The following MARCHF1 variants were observed in gnomAD, a reference collection of about 807,000 sequenced individuals.
MARCHF1 encodes the protein E3 ubiquitin-protein ligase MARCHF1.
A neutral mutation model predicts 54.2 loss-of-function variants in MARCHF1; 40 were observed. The observed-to-expected ratio is 0.74, with a 90% CI of 0.57 to 0.96. The LOEUF (loss-of-function observed/expected upper bound fraction) is 0.96, where lower values mean the gene tolerates loss of function less well. Ranked by LOEUF, MARCHF1 falls within the 40% of genes least tolerant of loss-of-function variation. The pLI is 0.00. For missense variants in MARCHF1, 586 were observed against 656.5 expected (o/e 0.89, Z 1.17); for synonymous variants, 236 against 236.3 (o/e 1.00, Z 0.01).
intron 4 of MARCHF1, among the ~76,000 whole-genome samples, chr4:163,734,759 A>G (rs1288573693): frequency 6.6e-6 from 1 of 152,164 alleles, no homozygotes; most frequent in Non-Finnish European, 1.5e-5. Context: ...TATTGATTGC[A>G]GTAATGATTT....
chr4:163,598,902 CT>C (rs1208701653), intron 7 of MARCHF1, among the ~76,000 whole-genome samples: 1 of 152,162 alleles, frequency 6.6e-6, no homozygotes, highest in African/African-American at 2.4e-5. Context: ...CTTTTCGACT[CT>C]TTTGTCGTAA....
chr4:163,894,897 CATGTGATGCATATATATATAT>C lies in MARCHF1; in HGVS notation c.-38-40749_-38-40729del, dbSNP rs1750763496. ...TATGCATGTGATGCATATATATATG[CATGTGATGCATATATATATAT>C]ATGCATGTGATGCATATATATATAT... On this transcript the variant is annotated intron_variant, in intron 3 of 9. Transcript: ENST00000514618. 2.7e-4 allele frequency among the ~76,000 whole-genome samples: 5 copies of C among 18,510 alleles called. 1 individual carries two copies. The highest frequency in any genetic ancestry group is 8.9e-4 in the Admixed American group (1 of 1,118). 12.1% of individuals were successfully genotyped at this position (18,510 alleles called of 152,430 possible).
intron 3 of MARCHF1, among the ~76,000 whole-genome samples, chr4:163,937,843 A>G (rs533963288): frequency 7.2e-5 from 11 of 152,292 alleles, no homozygotes; most frequent in Admixed American, 7.2e-4. Flanking sequence ...GCAGAGTTTA[A>G]ATTATAGGAA....
chr4:163,941,844 A>C (rs1024812314), intron 3 of MARCHF1, among the ~76,000 whole-genome samples: 1 of 152,180 alleles, frequency 6.6e-6, no homozygotes, highest in Non-Finnish European at 1.5e-5. Context: ...ATGTTTTAAA[A>C]TTACTATTTA....
At chr4:163,588,857 T>C (rs1256003695) in intron 7 of MARCHF1, among the ~76,000 whole-genome samples, 1 of 152,186 alleles carries the variant, frequency 6.6e-6, no homozygotes, top group Non-Finnish European at 1.5e-5. Flanking sequence ...CATAGATCTC[T>C]GTCTTAAAGC....
Position 164,196,636 on chromosome 4 carries a change from G to A in MARCHF1, c.-322-84974C>T, listed in dbSNP as rs183945689. ...CAAGCATTAATAAGTGGATTGTAGT[G>A]CCTTTTCCTTGGACTAAAAGGACTA... On this transcript the variant is annotated intron_variant, in intron 1 of 9. Transcript: ENST00000514618. Among the ~76,000 whole-genome samples the A allele has an allele frequency of 5.3e-5, 8 of 152,174 alleles. No individual in the cohort carries two copies. In the East Asian group the frequency reaches 1.3e-3, roughly 26 times the overall value.
At chr4:163,670,643 C>T (rs904697775) in intron 5 of MARCHF1, among the ~76,000 whole-genome samples, 4 of 151,810 alleles carry the variant, frequency 2.6e-5, no homozygotes, top group African/African-American at 9.7e-5. Context: ...TATAGCCTTA[C>T]ATTCATGCTT....
chr4:163,842,274 C>T (rs1368824675), intron 4 of MARCHF1, among the ~76,000 whole-genome samples: 1 of 151,848 alleles, frequency 6.6e-6, no homozygotes, highest in Non-Finnish European at 1.5e-5. Flanking sequence ...AGATGTTTAA[C>T]CAAAATTCTA....
intron 4 of MARCHF1, among the ~76,000 whole-genome samples, chr4:163,803,607 A>G (rs1748144105): frequency 6.6e-6 from 1 of 152,244 alleles, no homozygotes; most frequent in Admixed American, 6.5e-5. Context: ...CAGCTCAAGC[A>G]TAGTGCCCAC....
rs572425450 is a variant in MARCHF1, at chr4:163,675,705, T to C, written c.162+25108A>G. On this transcript the variant is annotated intron_variant, in intron 5 of 9. Coordinates refer to ENST00000514618, the MANE Select transcript of MARCHF1 (RefSeq NM_001394959.1). ...CATGATTTGTTCCCATCTTACTTCA[T>C]TCCTCTCTCTCCCTTTGTATATCAC... Among the ~76,000 whole-genome samples, 4 of 152,276 alleles carry C rather than the reference T, an allele frequency of 2.6e-5. No homozygotes were observed. In the South Asian group the frequency reaches 8.3e-4, roughly 32 times the overall value.
chr4:163,557,841 G>T (rs1453624095), intron 8 of MARCHF1, among the ~76,000 whole-genome samples: 1 of 152,168 alleles, frequency 6.6e-6, no homozygotes, highest in African/African-American at 2.4e-5. Context: ...ACAGCCAGGG[G>T]ATAGAAATTA....
chr4:164,110,375 A>C (rs1281651455), intron 2 of MARCHF1, among the ~76,000 whole-genome samples: 6 of 151,796 alleles, frequency 4.0e-5, no homozygotes, highest in Non-Finnish European at 8.9e-5. Flanking sequence ...ATATGTTAAA[A>C]TTTGTCTTTC....
At chr4:163,802,955 TA>T (rs1301081315) in intron 4 of MARCHF1, among the ~76,000 whole-genome samples, 1 of 152,026 alleles carries the variant, frequency 6.6e-6, no homozygotes, top group Non-Finnish European at 1.5e-5. Flanking sequence ...ACTCAAATGA[TA>T]AAAAAGGTAC....
At chr4:164,128,741 A>T (rs1756239582) in intron 1 of MARCHF1, among the ~76,000 whole-genome samples, 1 of 152,152 alleles carries the variant, frequency 6.6e-6, no homozygotes, top group South Asian at 2.1e-4. Context: ...TATGCTGAAG[A>T]TGTCCTTCTG....
chr4:163,601,682 T>G lies in MARCHF1; in HGVS notation c.1010+10589A>C, dbSNP rs186963051. On this transcript the variant is annotated intron_variant, in intron 7 of 9. Coordinates refer to ENST00000514618, the MANE Select transcript of MARCHF1 (RefSeq NM_001394959.1). ...TTGATCCATGTCTGAATGAGCATCA[T>G]ACTTCTATCTATTTTTGCTTGAAAT... Among the ~76,000 whole-genome samples, 8 of 152,220 alleles carry G rather than the reference T, an allele frequency of 5.3e-5. No homozygotes were observed. The East Asian group carries it at 1.2e-3, about 22-fold the overall frequency.
intron 1 of MARCHF1, among the ~76,000 whole-genome samples, chr4:164,274,257 G>C (rs1180767362): frequency 6.6e-6 from 1 of 152,132 alleles, no homozygotes; most frequent in Admixed American, 6.5e-5. Context: ...CGTACATTCA[G>C]CTTAACTATC....
chr4:163,886,133 A>ATAGATCTATAAATATG (rs1271578355), intron 3 of MARCHF1, among the ~76,000 whole-genome samples: 1 of 149,676 alleles, frequency 6.7e-6, no homozygotes, highest in Non-Finnish European at 1.5e-5. Context: ...ATCTAGAGAG[A>ATAGATCTATAAATATG]TAGATCTATA....
intron 1 of MARCHF1, among the ~76,000 whole-genome samples, chr4:164,199,721 GAAGAGAAGAT>G (rs1262197888): frequency 3.4e-5 from 5 of 148,742 alleles, no homozygotes; most frequent in African/African-American, 1.2e-4. Context: ...GAAGAGAGGA[GAAGAGAAGAT>G]AAAAGAAGAG....
intron 3 of MARCHF1, among the ~76,000 whole-genome samples, chr4:163,941,227 C>T (rs1751905880): frequency 6.6e-6 from 1 of 151,998 alleles, no homozygotes. Context: ...ATGATACAAA[C>T]ACTGTAAGCT....
Sources: gnomAD v4.1 joint callset for allele counts (sites outside exome capture counted in the v4.1 genomes callset) on GRCh38, gnomAD v4.1.1 for gene constraint, MANE v1.5 for transcripts, NCBI Gene and HGNC (gene_info 2026-07-23, HGNC 2026-07-21) for gene names.